The following PCDHGA6 variants were observed in gnomAD, a reference collection of about 807,000 sequenced individuals.
PCDHGA6 encodes the protein protocadherin gamma subfamily A, 6, also known as protocadherin gamma-A6.
A neutral mutation model predicts 60.6 loss-of-function variants in PCDHGA6; 41 were observed. That is an observed-to-expected ratio of 0.68 (90% CI 0.53 to 0.88). The LOEUF is 0.88. PCDHGA6 is among the 40% of genes least tolerant of loss of function. The pLI is 0.00. For synonymous variants in PCDHGA6, 594 were observed against 524.4 expected (o/e 1.13, Z -1.81); for missense variants, 1,312 against 1,203.0 (o/e 1.09, Z -1.34).
chr5:141,383,810 T>C (rs879645741), intron 1 of PCDHGA6: 2 of 1,613,958 alleles, frequency 1.2e-6, no homozygotes, highest in Non-Finnish European at 8.5e-7. Context: ...ATATCAACTT[T>C]AGAAGGATTA....
Position 141,376,399 on chromosome 5 carries a change from GC to G in PCDHGA6, c.2319del (p.Asn774ThrfsTer19). The G allele has an allele frequency of 2.5e-6, 4 of 1,614,182 alleles. No individual in the cohort carries two copies. Among genetic ancestry groups the G allele is most frequent in the Non-Finnish European group, 3.4e-6 (4 of 1,180,038 alleles). On this transcript the variant is annotated frameshift_variant, in exon 1 of 4. Coordinates refer to ENST00000517434, the MANE Select transcript of PCDHGA6 (RefSeq NM_018919.3). LOFTEE classifies it high-confidence loss of function. ...GTAAGAGTCATCTGATTTTCCCCCA[GC>G]CCAACTATGCCGACACGCTTATCAA... is the stretch of plus-strand genomic sequence containing the variant. ...SRKSHLIFPQ[P>X]NYADTLINQE... is the part of the protein sequence containing the mutation.
intron 1 of PCDHGA6, chr5:141,418,387 G>T: frequency 1.9e-6 from 3 of 1,614,002 alleles, no homozygotes; most frequent in Non-Finnish European, 2.5e-6. Flanking sequence ...GTCCTAACGA[G>T]TATTTCTCAT....
At chr5:141,423,126 G>A (rs1397550571) in intron 1 of PCDHGA6, 1 of 1,613,622 alleles carries the variant, frequency 6.2e-7, no homozygotes, top group Non-Finnish European at 8.5e-7. Context: ...CGCGGGCACT[G>A]CTGGACAGAG....
At chr5:141,458,103 T>TA (rs1401283935) in intron 1 of PCDHGA6, among the ~76,000 whole-genome samples, 2 of 152,212 alleles carry the variant, frequency 1.3e-5, no homozygotes, top group Non-Finnish European at 2.9e-5. Context: ...TACTTACAGA[T>TA]AGTCTCCAAA....
intron 1 of PCDHGA6, chr5:141,399,330 A>G: frequency 6.2e-7 from 1 of 1,613,994 alleles, no homozygotes; most frequent in South Asian, 1.1e-5. Flanking sequence ...ATAAGTTGGT[A>G]ACAGATGGAA....
rs755513841 is a variant in PCDHGA6 at position 141,375,669 on chromosome 5, A to T, written c.1586A>T (p.Gln529Leu). Residue 529 changes from glutamine (Q) to leucine (L), a missense_variant, in exon 1 of 4, where the codon CAG (glutamine) becomes CTG (leucine). Physicochemically the swap from Gln to Leu is moderately radical, Grantham distance 113. Coordinates refer to ENST00000517434, the MANE Select transcript of PCDHGA6 (RefSeq NM_018919.3). ...SFDYEQLRDL[Q>L]LWVTASDSGD... is the part of the protein sequence containing the mutation. The stretch of plus-strand genomic sequence containing the variant: ...GACTATGAGCAGTTGAGAGACCTAC[A>T]GCTGTGGGTGACAGCCAGCGACAGC... 29 of 1,614,240 alleles carry T rather than the reference A, an allele frequency of 1.8e-5. No individual in the cohort carries two copies. The highest frequency in any genetic ancestry group is 2.4e-5 in the Non-Finnish European group (28 of 1,180,038).
chr5:141,423,330 C>T (rs932335651), intron 1 of PCDHGA6: 2 of 1,614,174 alleles, frequency 1.2e-6, no homozygotes, highest in Non-Finnish European at 1.7e-6. Flanking sequence ...TGGCCGCAGT[C>T]TCCTGCATCT....
rs57426385 is a variant in PCDHGA6 at position 141,415,740 on chromosome 5, G to GTTTTTTTTTTTTTT, written c.2424+39252_2424+39265dup. 1.9e-4 allele frequency: 117 copies of GTTTTTTTTTTTTTT among 625,018 alleles called. 7 individuals are homozygous for GTTTTTTTTTTTTTT. Among genetic ancestry groups the GTTTTTTTTTTTTTT allele is most frequent in the African/African-American group, 5.0e-4 (20 of 39,930 alleles). 38.7% of individuals were successfully genotyped at this position (625,018 alleles called of 1,614,324 possible). A position where few individuals can be genotyped will look rare whatever the true frequency, so the allele number is the denominator to read the frequency against. On this transcript the variant is annotated intron_variant, in intron 1 of 3. Coordinates refer to ENST00000517434, the MANE Select transcript of PCDHGA6 (RefSeq NM_018919.3). ...TGAGTAGAATTTGATGTTTATTAAGGTTTTTTTTTTTTTTTTTTTTTTTTT... is the reference window on the plus strand; with the variant it reads ...TGAGTAGAATTTGATGTTTATTAAGGTTTTTTTTTTTTTTTTTTTTTTTTTTTTTTTTTTTTTTT...
Position 141,374,893 on chromosome 5 carries a change from T to C in PCDHGA6, c.810T>C (p.Asp270=), listed in dbSNP as rs1261699013. 3 of 1,613,834 alleles carry C rather than the reference T, an allele frequency of 1.9e-6. No individual in the cohort carries two copies. The change falls in exon 1 of 4, where the codon GAT becomes GAC. Residue 270 remains aspartate (D), a synonymous_variant. Transcript: ENST00000517434. ...PVLAVTATDQ[D]EGVHGEVTYS... The stretch of plus-strand genomic sequence containing the variant: ...TGGCAGTGACTGCCACCGACCAGGA[T>C]GAAGGAGTCCACGGGGAAGTAACTT...
In PCDHGA6 at chr5:141,374,734, C is replaced by A; in HGVS notation, c.651C>A (p.Gly217=). The A allele has an allele frequency of 6.2e-7, 1 of 1,610,164 alleles. No individual in the cohort carries two copies. The highest frequency in any genetic ancestry group is 2.2e-5 in the East Asian group (1 of 44,760). ...VYRLVLTAMD[G]GDPVRSSVAQ... ...GCCTGGTCCTTACTGCCATGGATGG[C>A]GGCGACCCTGTCCGCTCAAGCGTCG... is the stretch of plus-strand genomic sequence containing the variant. Residue 217 remains glycine, a synonymous_variant, in exon 1 of 4, where the codon GGC becomes GGA. Coordinates refer to ENST00000517434, the MANE Select transcript of PCDHGA6 (RefSeq NM_018919.3).
At chr5:141,495,974 CTCTT>C (rs1562171251) in intron 2 of PCDHGA6, among the ~76,000 whole-genome samples, 2 of 152,032 alleles carry the variant, frequency 1.3e-5, no homozygotes, top group Non-Finnish European at 1.5e-5. Context: ...TTCTCTGTTA[CTCTT>C]TCTTTATCTC....
intron 1 of PCDHGA6, among the ~76,000 whole-genome samples, chr5:141,488,351 C>G (rs1467834410): frequency 6.6e-6 from 1 of 152,132 alleles, no homozygotes; most frequent in African/African-American, 2.4e-5. Context: ...AAACAGCCAC[C>G]CTGTGCATCT....
chr5:141,477,379 A>C lies in PCDHGA6; in HGVS notation c.2425-17428A>C, dbSNP rs1293075706. The stretch of plus-strand genomic sequence containing the variant: ...CAGACCTGGATCGGGAGACTGTGCC[A>C]GAATACAACCTCAGCATCACCGCCC... On this transcript the variant is annotated intron_variant, in intron 1 of 3. Transcript: ENST00000517434. This position sits in a 1 kb window ranked among gnomAD's most constrained non-coding sequence, Gnocchi z 4.9. 2 of 1,614,184 alleles carry C rather than the reference A, an allele frequency of 1.2e-6. No homozygotes were observed. Among genetic ancestry groups the C allele is most frequent in the Non-Finnish European group, 1.7e-6 (2 of 1,180,034 alleles).
Position 141,393,014 on chromosome 5 carries a change from C to T in PCDHGA6, c.2424+16507C>T, listed in dbSNP as rs761990025. The T allele has an allele frequency of 1.9e-6, 3 of 1,613,736 alleles. No homozygotes were observed. The African/African-American group carries it at 4.0e-5, about 22-fold the overall frequency. On this transcript the variant is annotated intron_variant, in intron 1 of 3. Transcript: ENST00000517434. ...TGGCGAAGCACGGAGTCCGTATCGT[C>T]TCCAGAGGTAGGACGCAGCTCTTTG... is the stretch of plus-strand genomic sequence containing the variant.
At position 141,485,480 on chromosome 5, in the gene PCDHGA6, A is replaced by G. The variant is rs535194185; in HGVS notation, c.2425-9327A>G. On this transcript the variant is annotated intron_variant, in intron 1 of 3. Transcript: ENST00000517434. The surrounding 1 kb of genome is among the most constrained non-coding windows in gnomAD (Gnocchi z 5.7). Reference sequence around the variant, plus strand: ...ACTGTGTGGGCTCAGTGCCAGCTGCATCGTGCCCCTGGAGTTTGTCACCGA... The same window carrying G: ...ACTGTGTGGGCTCAGTGCCAGCTGCGTCGTGCCCCTGGAGTTTGTCACCGA... The G allele has an allele frequency of 2.5e-6, 4 of 1,614,154 alleles. No individual in the cohort carries two copies. The South Asian group carries it at 3.3e-5, about 13-fold the overall frequency.
At chr5:141,495,213 C>T (rs568314100) in intron 2 of PCDHGA6, among the ~76,000 whole-genome samples, 1 of 152,326 alleles carries the variant, frequency 6.6e-6, no homozygotes, top group South Asian at 2.1e-4. Flanking sequence ...AACCCCCTCC[C>T]CTGAGTTGAG....
At chr5:141,459,375 C>T (rs973503237) in intron 1 of PCDHGA6, among the ~76,000 whole-genome samples, 2 of 152,194 alleles carry the variant, frequency 1.3e-5, no homozygotes, top group African/African-American at 4.8e-5. Flanking sequence ...GTATCAGCAG[C>T]GTGTTCCATT....
chr5:141,468,222 G>A lies in PCDHGA6; in HGVS notation c.2425-26585G>A, dbSNP rs560663102. 2.6e-3 allele frequency among the ~76,000 whole-genome samples: 401 copies of A among 151,572 alleles called. 2 individuals are homozygous for A. Among genetic ancestry groups the A allele is most frequent in the South Asian group, 0.02 (97 of 4,782 alleles). ...TGCCTGTAATTCCAGCTACTTGGGA[G>A]GATGAGGTAGGAGAATTGCCTGAAC... On this transcript the variant is annotated intron_variant, in intron 1 of 3. Coordinates refer to ENST00000517434, the MANE Select transcript of PCDHGA6 (RefSeq NM_018919.3).
chr5:141,393,572 G>A, intron 1 of PCDHGA6: 1 of 1,613,908 alleles, frequency 6.2e-7, no homozygotes, highest in Non-Finnish European at 8.5e-7. Context: ...AAGTCCTTGA[G>A]AACATGCCCC....
Sources: gnomAD v4.1 joint callset for allele counts (sites outside exome capture counted in the v4.1 genomes callset) on GRCh38, gnomAD v4.1.1 for gene constraint, Gnocchi (gnomAD v3.1) non-coding constraint, MANE v1.5 for transcripts, NCBI Gene and HGNC (gene_info 2026-07-23, HGNC 2026-07-21) for gene names.